The following ATP11C variants were observed in gnomAD, a reference collection of about 807,000 sequenced individuals.
The protein encoded by ATP11C is phospholipid-transporting ATPase IG.
In ATP11C, 36 loss-of-function variants were observed where a neutral mutation model predicts 97.4. The ratio of observed to expected loss-of-function variants is 0.37; its 90% confidence interval spans 0.28 to 0.49. The LOEUF (loss-of-function observed/expected upper bound fraction) is 0.49. Among genes scored for constraint, ATP11C ranks in the 20% least tolerant of loss-of-function variants. The probability of loss-of-function intolerance (pLI) is 0.98; values close to 1 mark genes in which losing one functional copy is unlikely to be tolerated. For synonymous variants in ATP11C, 275 were observed against 290.9 expected (o/e 0.95, Z 0.56); for missense variants, 730 against 824.6 (o/e 0.89, Z 1.40).
At chrX:139,821,137 C>T (rs1213894883) in intron 2 of ATP11C, among the ~76,000 whole-genome samples, 2 of 111,914 alleles carry the variant, frequency 1.8e-5, no homozygotes, top group Admixed American at 9.5e-5. Flanking sequence ...GGAAAAAACA[C>T]AAAAGGAGGC....
upstream of ATP11C, among the ~76,000 whole-genome samples, chrX:139,935,666 T>C (rs2085513027): frequency 8.9e-6 from 1 of 111,902 alleles, no homozygotes; most frequent in Non-Finnish European, 1.9e-5. Context: ...CCACCTATAC[T>C]CATGGGTCCA....
intron 11 of ATP11C, among the ~76,000 whole-genome samples, chrX:139,796,717 CTTCT>C (rs2082804847): frequency 9.0e-6 from 1 of 111,229 alleles, no homozygotes; most frequent in Admixed American, 9.6e-5. Context: ...TACTTTTTCA[CTTCT>C]TTAAGTTCTC....
chrX:139,919,492 CAA>C (rs1214834526), intron 1 of ATP11C, among the ~76,000 whole-genome samples: 4 of 99,692 alleles, frequency 4.0e-5, no homozygotes, highest in Non-Finnish European at 2.0e-5. Flanking sequence ...CACACACACA[CAA>C]ACTACTTATT....
intron 1 of ATP11C, 100 bp from the exon 2 acceptor site, chrX:139,826,923 G>A (rs1361146448): frequency 1.1e-6 from 1 of 901,330 alleles, no homozygotes; most frequent in East Asian, 3.5e-5. Flanking sequence ...GCCATAATCT[G>A]GCGAGAAAGT....
intron 1 of ATP11C, among the ~76,000 whole-genome samples, chrX:139,929,865 A>G (rs1279697118): frequency 9.0e-6 from 1 of 111,413 alleles, no homozygotes; most frequent in Admixed American, 9.6e-5. Context: ...TTACTGATCT[A>G]AGAGATGGAA....
intron 1 of ATP11C, among the ~76,000 whole-genome samples, chrX:139,914,917 A>G (rs1194432503): frequency 8.9e-6 from 1 of 111,790 alleles, no homozygotes; most frequent in Non-Finnish European, 1.9e-5. Context: ...GAATCCTAAT[A>G]ACCAAATGTG....
rs142686213 is a variant in ATP11C, at chrX:139,756,683, C to G, written c.2700+1125G>C. Among the ~76,000 whole-genome samples, 778 of 111,087 alleles carry G rather than the reference C, an allele frequency of 7.0e-3. 8 individuals carry two copies. Among genetic ancestry groups the G allele is most frequent in the African/African-American group, 0.024 (732 of 30,610 alleles). On this transcript the variant is annotated intron_variant, in intron 23 of 29. Coordinates refer to ENST00000682941, the MANE Select transcript of ATP11C (RefSeq NM_001353812.2). ...GTCATTTGCAGCAACACGGATGGAG[C>G]TGGAAGCCATCATCCTAAGCAAACT... is the stretch of plus-strand genomic sequence containing the variant.
rs184086768 is a variant in ATP11C, at chrX:139,891,548, G to T, written c.27+40468C>A. Among the ~76,000 whole-genome samples, 21 of 111,492 alleles carry T rather than the reference G, an allele frequency of 1.9e-4. 1 individual carries two copies. The Admixed American group carries it at 1.9e-3, about 10-fold the overall frequency. On this transcript the variant is annotated intron_variant, in intron 1 of 29. Coordinates refer to ENST00000682941, the MANE Select transcript of ATP11C (RefSeq NM_001353812.2). ...GATTGTTTATTCTCTACCCCAACTG[G>T]ACTAGCAGCTTCCTAGAAACTGGAA...
intron 1 of ATP11C, among the ~76,000 whole-genome samples, chrX:139,931,338 C>A (rs751523051): frequency 9.8e-5 from 11 of 112,357 alleles, no homozygotes; most frequent in Admixed American, 3.7e-4. Flanking sequence ...AGTGCTCAGT[C>A]CTCCGCGAGG....
chrX:139,807,166 T>G (rs1013346689), intron 5 of ATP11C, among the ~76,000 whole-genome samples: 4 of 110,386 alleles, frequency 3.6e-5, no homozygotes, highest in Non-Finnish European at 7.6e-5. Flanking sequence ...AAACAAGAAA[T>G]AGCAGTCTAC....
upstream of ATP11C, among the ~76,000 whole-genome samples, chrX:139,936,754 G>A (rs2085516259): frequency 9.0e-6 from 1 of 110,939 alleles, no homozygotes; most frequent in Non-Finnish European, 1.9e-5. Context: ...ACCATGGCAA[G>A]TGAGCAAAAC....
intron 1 of ATP11C, among the ~76,000 whole-genome samples, chrX:139,887,492 G>A (rs1197136983): frequency 9.0e-6 from 1 of 110,850 alleles, no homozygotes; most frequent in Non-Finnish European, 1.9e-5. Flanking sequence ...GCTGGGCATG[G>A]TGGTGCACAC....
intron 1 of ATP11C, among the ~76,000 whole-genome samples, chrX:139,901,735 C>T (rs1055643000): frequency 1.8e-5 from 2 of 111,676 alleles, no homozygotes; most frequent in Non-Finnish European, 3.8e-5. Flanking sequence ...CCCACAAAGT[C>T]CAACAATGAG....
rs1438989933 is a variant in ATP11C at position 139,932,137 on chromosome X, C to T, written c.-95G>A. The T allele has an allele frequency of 1.1e-5, 10 of 889,565 alleles. No homozygotes were observed. Among genetic ancestry groups the T allele is most frequent in the South Asian group, 4.1e-5 (1 of 24,569 alleles). The allele number at this position is 889,565 out of a possible 1,213,427, so 73.3% of individuals were successfully genotyped here. A position where few individuals can be genotyped will look rare whatever the true frequency, so the allele number is the denominator to read the frequency against. On this transcript the variant is annotated 5_prime_UTR_variant, in exon 1 of 30. Coordinates refer to ENST00000682941, the MANE Select transcript of ATP11C (RefSeq NM_001353812.2). ...ACACTGCGGCGTGGGCCGGCGGCGC[C>T]AAGCGGAGCAGCGAGGCGGGCGGCC...
intron 1 of ATP11C, among the ~76,000 whole-genome samples, chrX:139,928,736 G>C (rs1362787210): frequency 9.0e-6 from 1 of 111,177 alleles, no homozygotes; most frequent in East Asian, 2.8e-4. Flanking sequence ...GCAGTTTAAG[G>C]GCTTCTAGAA....
At chrX:139,738,839 G>C (rs752912921) in intron 27 of ATP11C, among the ~76,000 whole-genome samples, 1 of 110,506 alleles carries the variant, frequency 9.0e-6, no homozygotes, top group African/African-American at 3.3e-5. Flanking sequence ...GGGGGAAGAA[G>C]TGGTTGCTTA....
At chrX:139,856,731 A>G (rs2084096467) in intron 1 of ATP11C, among the ~76,000 whole-genome samples, 1 of 112,466 alleles carries the variant, frequency 8.9e-6, no homozygotes, top group Non-Finnish European at 1.9e-5. Context: ...GGTGGGTGAC[A>G]GTTAATAAAA....
At chrX:139,784,928 G>T (rs1228925289) in intron 16 of ATP11C, among the ~76,000 whole-genome samples, 2 of 111,426 alleles carry the variant, frequency 1.8e-5, no homozygotes, top group African/African-American at 6.5e-5. Context: ...TCAGTACCCT[G>T]AACCATATAA....
At chrX:139,867,353 A>T (rs2084303222) in intron 1 of ATP11C, among the ~76,000 whole-genome samples, 1 of 110,542 alleles carries the variant, frequency 9.0e-6, no homozygotes, top group Non-Finnish European at 1.9e-5. Context: ...GGGGATAGGA[A>T]GTGTTGGGGG....
Sources: gnomAD v4.1 joint callset for allele counts (sites outside exome capture counted in the v4.1 genomes callset) on GRCh38, gnomAD v4.1.1 for gene constraint, MANE v1.5 for transcripts, NCBI Gene and HGNC (gene_info 2026-07-23, HGNC 2026-07-21) for gene names.